Variants in SIPA1L2 observed in about 807,000 individuals in gnomAD.
SIPA1L2 encodes signal induced proliferation associated 1 like 2, also known as signal-induced proliferation-associated 1-like protein 2.
Under a neutral mutation model 163.9 loss-of-function variants are expected in SIPA1L2, and 56 were observed. That is an observed-to-expected ratio of 0.34 (90% confidence interval 0.28 to 0.43). The LOEUF (loss-of-function observed/expected upper bound fraction) is 0.43. Ranked by LOEUF, SIPA1L2 falls within the 20% of genes least tolerant of loss-of-function variation. The pLI is 1.00. For synonymous variants in SIPA1L2, 877 were observed against 865.7 expected (o/e 1.01, Z -0.23); for missense variants, 1,974 against 2,193.5 (o/e 0.90, Z 2.00).
rs774149578 is a variant in SIPA1L2 at position 232,464,896 on chromosome 1, G to C, written c.2764C>G (p.Leu922Val). The change falls in exon 9 of 23, where the codon CTG (leucine) becomes GTG (valine). Residue 922 changes from leucine (L) to valine (V), a missense_variant. Around this residue, in one of 3 missense-constraint regions of SIPA1L2, gnomAD observed 1,079 missense variants for 1,150.7 expected, o/e 0.94. Transcript: ENST00000674635. ...VFYERGECVLLSSVDNCAEDI... is the reference protein window; with the variant it reads ...VFYERGECVLVSSVDNCAEDI... ...TCAGCACAGTTGTCTACCGAGGACA[G>C]GAGGACACATTCTCCTCTTTCGTAA... The C allele has an allele frequency of 5.0e-6, 8 of 1,614,010 alleles. No homozygotes were observed. The highest frequency in any genetic ancestry group is 1.3e-5 in the African/African-American group (1 of 75,056).
chr1:232,433,240 G>A (rs1317481456), intron 15 of SIPA1L2, among the ~76,000 whole-genome samples: 1 of 152,186 alleles, frequency 6.6e-6, no homozygotes, highest in Non-Finnish European at 1.5e-5. Flanking sequence ...GGCTACAGAC[G>A]ACTTGGGCGA....
chr1:232,443,795 G>A, intron 11 of SIPA1L2, 110 bp from the exon 12 acceptor site: 7 of 824,356 alleles, frequency 8.5e-6, no homozygotes, highest in Admixed American at 3.3e-5. Context: ...ACAAAGAAAA[G>A]GAAGAAAAAC....
At chr1:232,572,756 TA>T (rs1558277648) in intron 2 of SIPA1L2, among the ~76,000 whole-genome samples, 3 of 67,174 alleles carry the variant, frequency 4.5e-5, no homozygotes, top group East Asian at 4.6e-4. Flanking sequence ...TATATATATA[TA>T]TATATATATA....
chr1:232,439,901 C>A (rs1662789571), intron 14 of SIPA1L2, among the ~76,000 whole-genome samples: 1 of 152,166 alleles, frequency 6.6e-6, no homozygotes, highest in Admixed American at 6.5e-5. Flanking sequence ...GCCTTGAGTT[C>A]AGGGCAGAAG....
intron 3 of SIPA1L2, among the ~76,000 whole-genome samples, chr1:232,501,060 T>TTTTTTTTTTTTA (rs1666450627): frequency 1.6e-5 from 2 of 125,032 alleles, no homozygotes; most frequent in Non-Finnish European, 3.4e-5. Context: ...ATTTTTTTTT[T>TTTTTTTTTTTTA]TTTTTTTTTT....
At chr1:232,591,052 G>C (rs1373691503) in intron 1 of SIPA1L2, among the ~76,000 whole-genome samples, 1 of 152,158 alleles carries the variant, frequency 6.6e-6, no homozygotes, top group Non-Finnish European at 1.5e-5. Context: ...CCCATTTTCC[G>C]GAGTGCAGCC....
intron 2 of SIPA1L2, among the ~76,000 whole-genome samples, chr1:232,523,728 C>T (rs1667558100): frequency 6.6e-6 from 1 of 152,130 alleles, no homozygotes; most frequent in African/African-American, 2.4e-5. Context: ...TCCATTGAAT[C>T]CACAGTGAAA....
At chr1:232,588,826 C>G (rs1441614145) in intron 1 of SIPA1L2, among the ~76,000 whole-genome samples, 1 of 152,096 alleles carries the variant, frequency 6.6e-6, no homozygotes, top group Admixed American at 6.5e-5. Flanking sequence ...GCATACTTCT[C>G]AATAAGTGTC....
chr1:232,584,276 G>GTA (rs1660536247), intron 1 of SIPA1L2, among the ~76,000 whole-genome samples: 1 of 152,124 alleles, frequency 6.6e-6, no homozygotes, highest in Non-Finnish European at 1.5e-5. Context: ...GCAGGCTGGA[G>GTA]TATAGTGGTG....
chr1:232,543,262 A>G lies in SIPA1L2; in HGVS notation c.-269-27654T>C, dbSNP rs534747906. Among the ~76,000 whole-genome samples the G allele has an allele frequency of 1.7e-3, 255 of 152,370 alleles. 1 individual carries two copies. The highest frequency in any genetic ancestry group is 5.6e-3 in the African/African-American group (232 of 41,588). Reference sequence around the variant, plus strand: ...GTATCATATACAAACATTAATTTGCATAATTTACCAAAACACTTTTTGTCA... The same window carrying G: ...GTATCATATACAAACATTAATTTGCGTAATTTACCAAAACACTTTTTGTCA... On this transcript the variant is annotated intron_variant, in intron 2 of 22. Coordinates refer to ENST00000674635, the MANE Select transcript of SIPA1L2 (RefSeq NM_020808.5).
intron 14 of SIPA1L2, among the ~76,000 whole-genome samples, chr1:232,440,472 T>C (rs1488226233): frequency 1.3e-5 from 2 of 152,144 alleles, no homozygotes. Context: ...CTGAAACCAA[T>C]ATGAGAATAT....
chr1:232,506,023 A>T (rs1156752463), intron 3 of SIPA1L2, among the ~76,000 whole-genome samples: 1 of 152,204 alleles, frequency 6.6e-6, no homozygotes, highest in East Asian at 1.9e-4. Flanking sequence ...TTTGATATGT[A>T]AAGGTGTAGG....
chr1:232,550,343 C>G (rs944409518), intron 2 of SIPA1L2, among the ~76,000 whole-genome samples: 1 of 152,088 alleles, frequency 6.6e-6, no homozygotes, highest in Non-Finnish European at 1.5e-5. Flanking sequence ...AGCCACCCAC[C>G]GCAAGTCAGA....
intron 3 of SIPA1L2, among the ~76,000 whole-genome samples, chr1:232,494,439 G>A (rs1020349479): frequency 3.3e-5 from 5 of 152,142 alleles, no homozygotes; most frequent in East Asian, 1.9e-4. Flanking sequence ...TCTCTTCCTC[G>A]TATGTGCAAT....
chr1:232,603,859 T>C (rs1661744519), intron 1 of SIPA1L2, among the ~76,000 whole-genome samples: 1 of 151,976 alleles, frequency 6.6e-6, no homozygotes, highest in Non-Finnish European at 1.5e-5. Context: ...ATAGAAACTA[T>C]CAGAAAAGTT....
At chr1:232,401,388 C>G (rs1373445079) in intron 22 of SIPA1L2, among the ~76,000 whole-genome samples, 2 of 152,120 alleles carry the variant, frequency 1.3e-5, no homozygotes, top group Admixed American at 6.5e-5. Context: ...CGTGCTTTAG[C>G]TTTTTTTGGG....
At chr1:232,588,657 A>G (rs561324967) in intron 1 of SIPA1L2, among the ~76,000 whole-genome samples, 2 of 152,216 alleles carry the variant, frequency 1.3e-5, no homozygotes, top group South Asian at 4.1e-4. Flanking sequence ...AAATTCAAGC[A>G]CTCCCTTTTC....
intron 21 of SIPA1L2, chr1:232,402,790 C>T (rs1660422523): frequency 1.6e-5 from 3 of 193,098 alleles, no homozygotes; most frequent in South Asian, 1.1e-4. Flanking sequence ...CAGTCAATTT[C>T]CCCAATTTGC....
intron 2 of SIPA1L2, among the ~76,000 whole-genome samples, chr1:232,569,492 T>A (rs112364016): frequency 6.6e-6 from 1 of 152,212 alleles, no homozygotes; most frequent in African/African-American, 2.4e-5. Flanking sequence ...GGCGGGACAA[T>A]GAGAAACTCA....
Sources: gnomAD v4.1 joint callset for allele counts (sites outside exome capture counted in the v4.1 genomes callset) on GRCh38, gnomAD v4.1.1 for gene constraint, gnomAD v4.1.1 regional missense constraint, MANE v1.5 for transcripts, NCBI Gene and HGNC (gene_info 2026-07-23, HGNC 2026-07-21) for gene names.